CNBD1: variants seen among roughly 807,000 people sequenced by gnomAD.
CNBD1 encodes cyclic nucleotide-binding domain-containing protein 1.
Under a neutral mutation model 54.4 loss-of-function variants are expected in CNBD1, and 71 were observed. That is an observed-to-expected ratio of 1.30 (90% CI 1.08 to 1.59). The LOEUF (loss-of-function observed/expected upper bound fraction) is 1.59. Ranked by LOEUF, CNBD1 falls within the 40% of genes most tolerant of loss-of-function variation. The pLI is 0.00. For missense variants in CNBD1, 659 were observed against 518.0 expected, an observed-to-expected ratio of 1.27 and a Z score of -2.64; for synonymous variants, 182 against 170.7, an observed-to-expected ratio of 1.07 and a Z score of -0.51.
intron 4 of CNBD1, among the ~76,000 whole-genome samples, chr8:87,128,841 T>A (rs1812053951): frequency 6.6e-6 from 1 of 150,874 alleles, no homozygotes; most frequent in African/African-American, 2.4e-5. Flanking sequence ...CCTAGCACTT[T>A]GGGAGGCTGA....
At chr8:87,225,665 C>T (rs1346536547) in intron 5 of CNBD1, among the ~76,000 whole-genome samples, 2 of 152,124 alleles carry the variant, frequency 1.3e-5, no homozygotes, top group African/African-American at 4.8e-5. Flanking sequence ...AGGATTTTTG[C>T]ATCAATGTTC....
At chr8:87,393,847 C>G (rs563817346) in intron 2 of CNBD1, among the ~76,000 whole-genome samples, 3 of 151,722 alleles carry the variant, frequency 2.0e-5, no homozygotes, top group African/African-American at 7.2e-5. Context: ...GACAGGTAAT[C>G]AAAACTGGAG....
intron 1 of CNBD1, among the ~76,000 whole-genome samples, chr8:86,885,532 C>T (rs1432872736): frequency 2.0e-5 from 3 of 152,166 alleles, no homozygotes; most frequent in Non-Finnish European, 4.4e-5. Context: ...CAAATGTAAA[C>T]TTTATACTCT....
At chr8:87,204,516 CT>C (rs1161974386) in intron 4 of CNBD1, among the ~76,000 whole-genome samples, 18 of 152,274 alleles carry the variant, frequency 1.2e-4, no homozygotes, top group Admixed American at 7.9e-4. Flanking sequence ...TCTAGAGCCT[CT>C]CTATTCCCTT....
intron 10 of CNBD1, among the ~76,000 whole-genome samples, chr8:87,381,494 G>A (rs1344378207): frequency 6.6e-6 from 1 of 151,966 alleles, no homozygotes; most frequent in Non-Finnish European, 1.5e-5. Flanking sequence ...ATTAACAGTA[G>A]ACCATATGAT....
chr8:87,137,326 A>G (rs1812276719), intron 4 of CNBD1, among the ~76,000 whole-genome samples: 1 of 150,742 alleles, frequency 6.6e-6, no homozygotes. Context: ...CCTCCCGAGT[A>G]GCTGGGACTA....
intron 4 of CNBD1, among the ~76,000 whole-genome samples, chr8:86,967,427 C>A (rs1213793573): frequency 6.6e-6 from 1 of 152,212 alleles, no homozygotes; most frequent in Non-Finnish European, 1.5e-5. Context: ...TGGGTGCAAC[C>A]CGGGAGCTCT....
At chr8:87,385,446 G>C (rs1811163467), downstream of CNBD1, among the ~76,000 whole-genome samples, 1 of 151,952 alleles carries the variant, frequency 6.6e-6, no homozygotes, top group African/African-American at 2.4e-5. Flanking sequence ...AACAGTCTTA[G>C]CAAATGGCAC....
intron 4 of CNBD1, among the ~76,000 whole-genome samples, chr8:87,175,928 G>A (rs1027668196): frequency 1.3e-5 from 2 of 152,162 alleles, no homozygotes; most frequent in African/African-American, 2.4e-5. Flanking sequence ...TGGCTAGGGC[G>A]GGTCTGAATA....
intron 6 of CNBD1, among the ~76,000 whole-genome samples, chr8:87,253,614 C>G (rs1563524950): frequency 1.3e-5 from 2 of 151,992 alleles, no homozygotes; most frequent in African/African-American, 2.4e-5. Flanking sequence ...CTGGTAGGTT[C>G]CTGACTGGTA....
intron 2 of CNBD1, among the ~76,000 whole-genome samples, chr8:87,423,236 C>T (rs1482138896): frequency 2.6e-5 from 4 of 152,068 alleles, no homozygotes; most frequent in South Asian, 2.1e-4. Context: ...GACAATTTGA[C>T]TTCCTCTTTT....
chr8:87,281,691 G>T, intron 6 of CNBD1, among the ~76,000 whole-genome samples: 1 of 148,996 alleles, frequency 6.7e-6, no homozygotes, highest in African/African-American at 2.4e-5. Context: ...TAGGAGATGC[G>T]TTTCTGGGTA....
intron 5 of CNBD1, among the ~76,000 whole-genome samples, chr8:87,232,547 T>C (rs1807466253): frequency 6.6e-6 from 1 of 152,190 alleles, no homozygotes; most frequent in Non-Finnish European, 1.5e-5. Flanking sequence ...TCTTATTTTT[T>C]CTTGTGCCTT....
intron 1 of CNBD1, among the ~76,000 whole-genome samples, chr8:86,886,143 C>G (rs941008978): frequency 6.6e-6 from 1 of 152,118 alleles, no homozygotes; most frequent in Non-Finnish European, 1.5e-5. Context: ...ATTACTGACA[C>G]TCTTCTTGAA....
intron 6 of CNBD1, among the ~76,000 whole-genome samples, chr8:87,237,936 T>C (rs750806701): frequency 6.6e-5 from 10 of 152,192 alleles, no homozygotes; most frequent in Non-Finnish European, 1.2e-4. Flanking sequence ...GATTGTCTTC[T>C]TGTTAGGGAT....
chr8:87,210,547 C>A (rs1451786979), intron 5 of CNBD1, among the ~76,000 whole-genome samples: 3 of 152,182 alleles, frequency 2.0e-5, no homozygotes, highest in Non-Finnish European at 4.4e-5. Flanking sequence ...TGCTGCCCTG[C>A]ATAGCCTCAG....
chr8:86,907,599 C>T (rs371915287), intron 3 of CNBD1, among the ~76,000 whole-genome samples: 6 of 151,360 alleles, frequency 4.0e-5, no homozygotes, highest in African/African-American at 1.2e-4. Flanking sequence ...ACCCAGGAGG[C>T]GGAGGTTGCA....
At chr8:87,162,218 A>G (rs572616406) in intron 4 of CNBD1, among the ~76,000 whole-genome samples, 1 of 152,126 alleles carries the variant, frequency 6.6e-6, no homozygotes, top group Non-Finnish European at 1.5e-5. Flanking sequence ...CTAAATTTGG[A>G]TAATAATGCT....
intron 3 of CNBD1, among the ~76,000 whole-genome samples, chr8:86,920,523 G>T (rs1008431888): frequency 6.6e-6 from 1 of 152,164 alleles, no homozygotes; most frequent in African/African-American, 2.4e-5. Flanking sequence ...GAGAACAAAA[G>T]AATTTTGGCA....
Sources: allele counts gnomAD v4.1 joint callset (sites outside exome capture counted in the v4.1 genomes callset), GRCh38; gene constraint gnomAD v4.1.1; transcripts MANE v1.5; gene names NCBI Gene and HGNC (gene_info 2026-07-23, HGNC 2026-07-21).